Variants in STAP1 observed in about 807,000 individuals in gnomAD.
STAP1 encodes signal-transducing adaptor protein 1.
STAP1 carries 30 observed loss-of-function variants against 37.8 expected under a neutral mutation model. That is an observed-to-expected ratio of 0.79 (90% CI 0.59 to 1.08). STAP1 has a LOEUF of 1.08. Ranked by LOEUF, STAP1 falls within the 50% of genes least tolerant of loss-of-function variation. The probability of loss-of-function intolerance (pLI) is 0.00; values close to 1 mark genes in which losing one functional copy is unlikely to be tolerated. For missense variants in STAP1, 357 were observed against 349.4 expected (o/e 1.02, Z -0.17); for synonymous variants, 130 against 116.0 (o/e 1.12, Z -0.78).
intron 6 of STAP1, among the ~76,000 whole-genome samples, chr4:67,587,718 T>C (rs1184685146): frequency 1.1e-5 from 1 of 87,374 alleles, no homozygotes; most frequent in Admixed American, 1.6e-4. Flanking sequence ...TTTCTTTCTT[T>C]CTTTTTTTTT....
chr4:67,570,392 G>A (rs575134981), intron 1 of STAP1, among the ~76,000 whole-genome samples: 7 of 152,222 alleles, frequency 4.6e-5, no homozygotes, highest in Middle Eastern at 3.4e-3. Context: ...ATTTTTCAGC[G>A]CCATTGTATC....
Position 67,575,465 on chromosome 4 carries a change from C to T in STAP1, c.273C>T (p.Thr91=), listed in dbSNP as rs548464788. ...CTGAAAAGAACTGTGCGAAATTCAC[C>T]CTTGTTTTGCCGAAAGAGGAAGTAC... ...NSTEKNCAKF[T]LVLPKEEVQL... is the part of the protein sequence containing the mutation. The change falls in exon 3 of 9, where the codon ACC becomes ACT. Residue 91 remains threonine, a synonymous_variant. Coordinates refer to ENST00000265404, the MANE Select transcript of STAP1 (RefSeq NM_012108.4). 6.8e-6 allele frequency: 11 copies of T among 1,611,042 alleles called. No homozygotes were observed. Among genetic ancestry groups the T allele is most frequent in the African/African-American group, 6.7e-5 (5 of 74,868 alleles).
At chr4:67,601,934 C>T (rs539218912) in intron 8 of STAP1, among the ~76,000 whole-genome samples, 15 of 151,988 alleles carry the variant, frequency 9.9e-5, no homozygotes, top group Middle Eastern at 3.4e-3. Flanking sequence ...AAACTTTCTA[C>T]ATTGATATCT....
intron 1 of STAP1, among the ~76,000 whole-genome samples, chr4:67,560,668 G>A (rs1039780066): frequency 1.2e-4 from 18 of 152,010 alleles, no homozygotes; most frequent in African/African-American, 4.1e-4. Context: ...GTGTGTGTGT[G>A]TGTGTGACAG....
intron 1 of STAP1, among the ~76,000 whole-genome samples, chr4:67,565,833 T>A (rs1426909641): frequency 3.3e-5 from 5 of 150,568 alleles, no homozygotes; most frequent in Non-Finnish European, 7.4e-5. Flanking sequence ...CACAAACTTA[T>A]ACAACCATCA....
chr4:67,585,229 T>C (rs896121806), intron 6 of STAP1, among the ~76,000 whole-genome samples: 2 of 152,234 alleles, frequency 1.3e-5, no homozygotes, highest in Admixed American at 6.5e-5. Context: ...ATGGGGATAA[T>C]ATTATTTTAT....
rs759465003 is a variant in STAP1, at chr4:67,593,258, A to G, written c.730-2A>G. On this transcript the variant is annotated splice_acceptor_variant, in intron 7 of 8. Transcript: ENST00000265404. LOFTEE classifies it high-confidence loss of function. ...GTTTTCTCTCACTCTCTATTAATAC[A>G]GGTAACACTCCCAAACCTTTTCAGT... The G allele has an allele frequency of 2.5e-5, 40 of 1,607,810 alleles. No homozygotes were observed. Among genetic ancestry groups the G allele is most frequent in the Non-Finnish European group, 3.2e-5 (38 of 1,176,418 alleles).
intron 4 of STAP1, 73 bp from the exon 5 acceptor site, chr4:67,581,232 C>G: frequency 6.9e-7 from 1 of 1,452,504 alleles, no homozygotes; most frequent in Non-Finnish European, 9.4e-7. Flanking sequence ...AGGACCAGAA[C>G]AGGGTCGTCT....
intron 1 of STAP1, among the ~76,000 whole-genome samples, chr4:67,562,652 G>A (rs1483641119): frequency 2.0e-5 from 3 of 150,464 alleles, no homozygotes; most frequent in Admixed American, 6.6e-5. Context: ...GGCGCCTGTA[G>A]TCCCAACTAC....
intron 2 of STAP1, 132 bp from the exon 3 acceptor site, chr4:67,575,253 G>C: frequency 1.7e-6 from 1 of 579,550 alleles, no homozygotes; most frequent in South Asian, 2.7e-5. Context: ...TGTCCTCTGG[G>C]ATTAGGAAAA....
At chr4:67,580,423 T>A (rs1181681365) in intron 4 of STAP1, among the ~76,000 whole-genome samples, 1 of 152,196 alleles carries the variant, frequency 6.6e-6, no homozygotes, top group Non-Finnish European at 1.5e-5. Flanking sequence ...AAAACATATA[T>A]AATAATAGAA....
chr4:67,564,123 A>T (rs1446025120), intron 1 of STAP1, among the ~76,000 whole-genome samples: 1 of 152,196 alleles, frequency 6.6e-6, no homozygotes, highest in Non-Finnish European at 1.5e-5. Flanking sequence ...TGAAATCAAG[A>T]TTGTGACCTG....
Position 67,591,506 on chromosome 4 carries a change from T to G in STAP1, c.729+553T>G, listed in dbSNP as rs1283202608. Among the ~76,000 whole-genome samples, 9 of 152,316 alleles carry G rather than the reference T, an allele frequency of 5.9e-5. 1 individual carries two copies. The South Asian group carries it at 8.3e-4, about 14-fold the overall frequency. ...ATGCCTTTTATACAGGTGAGATAATTGGTATTTACACTGTTCTGAACCAAT... is the reference window on the plus strand; with the variant it reads ...ATGCCTTTTATACAGGTGAGATAATGGGTATTTACACTGTTCTGAACCAAT... On this transcript the variant is annotated intron_variant, in intron 7 of 8. Transcript: ENST00000265404.
At chr4:67,566,034 C>T (rs1238314155) in intron 1 of STAP1, among the ~76,000 whole-genome samples, 2 of 141,514 alleles carry the variant, frequency 1.4e-5, no homozygotes, top group East Asian at 2.1e-4. Flanking sequence ...CTGCAACCTT[C>T]GCTTCCTGGG....
At chr4:67,566,601 CA>C (rs1727476383) in intron 1 of STAP1, among the ~76,000 whole-genome samples, 1 of 152,122 alleles carries the variant, frequency 6.6e-6, no homozygotes. Flanking sequence ...TGCTGCCTCC[CA>C]AACACACCTA....
At chr4:67,579,241 T>C (rs527593269) in intron 4 of STAP1, among the ~76,000 whole-genome samples, 21 of 152,314 alleles carry the variant, frequency 1.4e-4, no homozygotes, top group Non-Finnish European at 3.1e-4. Context: ...TCATGGTATA[T>C]GAACATTTAC....
At chr4:67,569,732 TTG>T (rs57524051) in intron 1 of STAP1, among the ~76,000 whole-genome samples, 1 of 151,492 alleles carries the variant, frequency 6.6e-6, no homozygotes, top group African/African-American at 2.4e-5. Flanking sequence ...TTATTCCATT[TTG>T]TGTGTGTGTG....
intron 6 of STAP1, among the ~76,000 whole-genome samples, chr4:67,586,818 A>T (rs1445461889): frequency 6.6e-6 from 1 of 152,200 alleles, no homozygotes; most frequent in African/African-American, 2.4e-5. Context: ...AACTTACAAC[A>T]TTTTATAAAA....
rs187898386 is a variant in STAP1, at chr4:67,573,699, A to G, written c.193-1686A>G. Among the ~76,000 whole-genome samples, 16 of 152,310 alleles carry G rather than the reference A, an allele frequency of 1.1e-4. No individual in the cohort carries two copies. In the East Asian group the frequency reaches 3.1e-3, roughly 29 times the overall value. On this transcript the variant is annotated intron_variant, in intron 2 of 8. Transcript: ENST00000265404. ...TTGTGGAATGGTTAAATTGAAAATA[A>G]CTAGGCCAACTCGAACTTTCTCTCA...
Sources: allele counts gnomAD v4.1 joint callset (sites outside exome capture counted in the v4.1 genomes callset), GRCh38; gene constraint gnomAD v4.1.1; transcripts MANE v1.5; gene names NCBI Gene and HGNC (gene_info 2026-07-23, HGNC 2026-07-21).